Variants in LARP4B observed in about 807,000 individuals in gnomAD.
LARP4B encodes the protein la-related protein 4B.
A neutral mutation model predicts 89.8 loss-of-function variants in LARP4B; 12 were observed. That is an observed-to-expected ratio of 0.13 (90% CI 0.09 to 0.22). The LOEUF (loss-of-function observed/expected upper bound fraction) is 0.22. Ranked by LOEUF, LARP4B falls within the 10% of genes least tolerant of loss-of-function variation. LARP4B has a pLI of 1.00. For missense variants in LARP4B, 757 were observed against 947.7 expected (o/e 0.80, Z 2.64); for synonymous variants, 367 against 363.3 (o/e 1.01, Z -0.12).
chr10:969,243 T>G, the LARP4B span, among the ~76,000 whole-genome samples: 5 of 152,192 alleles, frequency 3.3e-5, no homozygotes, highest in Non-Finnish European at 7.3e-5. Context: ...ACAACCTGTA[T>G]TGTGTCTTCC....
chr10:879,212 T>C (rs1443090247), intron 3 of LARP4B, among the ~76,000 whole-genome samples: 1 of 152,238 alleles, frequency 6.6e-6, no homozygotes, highest in Admixed American at 6.5e-5. Context: ...TACAATACTA[T>C]GTCATCAAAA....
chr10:885,810 A>C, intron 1 of LARP4B, 50 bp from the exon 2 acceptor site: 1 of 873,070 alleles, frequency 1.1e-6, no homozygotes. Flanking sequence ...GCACAGTATG[A>C]TTATTTAAAT....
At chr10:924,594 C>T (rs1307392864) in intron 1 of LARP4B, among the ~76,000 whole-genome samples, 1 of 152,258 alleles carries the variant, frequency 6.6e-6, no homozygotes. Context: ...GCGTTCTCTT[C>T]CTTCAGCCTT....
chr10:833,249 T>TAAA (rs56788542), intron 8 of LARP4B, among the ~76,000 whole-genome samples: 3,522 of 51,766 alleles, frequency 0.068, 262 homozygotes, highest in South Asian at 0.098. Flanking sequence ...TGATGAGCTT[T>TAAA]AAAAAAAAAA....
chr10:817,778 C>T lies in LARP4B; in HGVS notation c.1642G>A (p.Asp548Asn), dbSNP rs774488905. Reference protein sequence around the residue: ...PGAAGNLKTEDLFENRLSSLI... With the variant: ...PGAAGNLKTENLFENRLSSLI... ...CTAGATAGCCTGTTTTCAAACAAGT[C>T]CTCTGTCTTCAAATTGCCGGCAGCT... Residue 548 changes from aspartate to asparagine, a missense_variant, in exon 15 of 18, where the codon GAC (aspartate) becomes AAC (asparagine). Asp to Asn is a conservative substitution (Grantham distance 23). This residue lies in a region of LARP4B where 387 missense variants were observed against 423.6 expected (regional missense o/e 0.91). Transcript: ENST00000316157. The T allele has an allele frequency of 2.1e-5, 34 of 1,614,048 alleles. No individual in the cohort carries two copies. The South Asian group carries it at 3.2e-4, about 15-fold the overall frequency.
At chr10:905,701 G>A (rs112466829) in intron 1 of LARP4B, among the ~76,000 whole-genome samples, 174 of 86,104 alleles carry the variant, frequency 2.0e-3, no homozygotes, top group South Asian at 4.6e-3. Context: ...AGGAGCAAGG[G>A]AGGAGCTGAG....
chr10:865,034 G>T (rs577818393), intron 3 of LARP4B, among the ~76,000 whole-genome samples: 1 of 152,252 alleles, frequency 6.6e-6, no homozygotes, highest in African/African-American at 2.4e-5. Context: ...AAGAATGAAG[G>T]TGTTCTAACA....
chr10:951,097 C>T, the LARP4B span, among the ~76,000 whole-genome samples: 1 of 152,050 alleles, frequency 6.6e-6, no homozygotes, highest in African/African-American at 2.4e-5. Flanking sequence ...GGACTGCTAG[C>T]ACCATGTTGA....
At chr10:929,228 AAC>A (rs1173481492) in intron 1 of LARP4B, among the ~76,000 whole-genome samples, 3 of 151,834 alleles carry the variant, frequency 2.0e-5, no homozygotes, top group African/African-American at 7.3e-5. Context: ...AGCCAAAAAA[AAC>A]AAAACAAAAA....
chr10:968,764 T>G, the LARP4B span, among the ~76,000 whole-genome samples: 1 of 152,246 alleles, frequency 6.6e-6, no homozygotes, highest in Non-Finnish European at 1.5e-5. Context: ...CTTCAGAGTC[T>G]GGTAGCTGTG....
At chr10:885,835 CAA>C (rs1444834083) in intron 1 of LARP4B, 75 bp from the exon 2 acceptor site, 1 of 737,410 alleles carries the variant, frequency 1.4e-6, no homozygotes, top group African/African-American at 1.8e-5. Flanking sequence ...TTAAAATCCT[CAA>C]GTTTTCCAGG....
At chr10:937,103 C>T in the LARP4B span, among the ~76,000 whole-genome samples, 9 of 152,068 alleles carry the variant, frequency 5.9e-5, no homozygotes, top group East Asian at 1.9e-4. Context: ...AGTGCAGTGG[C>T]GCAATCCCAG....
At chr10:889,034 G>A (rs1010899785) in intron 1 of LARP4B, among the ~76,000 whole-genome samples, 3 of 152,090 alleles carry the variant, frequency 2.0e-5, no homozygotes, top group East Asian at 1.9e-4. Context: ...TCAGTAAGCC[G>A]AGATCGCACC....
intron 1 of LARP4B, among the ~76,000 whole-genome samples, chr10:922,270 T>C (rs1372112281): frequency 6.6e-6 from 1 of 152,194 alleles, no homozygotes; most frequent in Admixed American, 6.6e-5. Context: ...CAGGCAGTAA[T>C]GCTCACTCAC....
Position 825,056 on chromosome 10 carries a change from A to G in LARP4B, c.1484+9T>C. ...TATGATGTTACACAGTAACTGCTCA[A>G]CAACTCACCTTCCCCTCCCTAAACC... is the stretch of plus-strand genomic sequence containing the variant. On this transcript the variant is annotated intron_variant, in intron 13 of 17. Coordinates refer to ENST00000316157, the MANE Select transcript of LARP4B (RefSeq NM_015155.3). 2 of 1,612,098 alleles carry G rather than the reference A, an allele frequency of 1.2e-6. No homozygotes were observed. Among genetic ancestry groups the G allele is most frequent in the Non-Finnish European group, 1.7e-6 (2 of 1,178,436 alleles).
the LARP4B span, among the ~76,000 whole-genome samples, chr10:957,412 C>T: frequency 6.6e-6 from 1 of 152,074 alleles, no homozygotes; most frequent in Non-Finnish European, 1.5e-5. Context: ...GTGATCCACC[C>T]ACCTCGGCCT....
chr10:982,669 C>T, the LARP4B span, among the ~76,000 whole-genome samples: 5 of 152,226 alleles, frequency 3.3e-5, no homozygotes, highest in African/African-American at 9.6e-5. Flanking sequence ...ACATGGCCTT[C>T]CTAGTACTTT....
At chr10:892,362 A>C (rs975589828) in intron 1 of LARP4B, among the ~76,000 whole-genome samples, 1 of 152,184 alleles carries the variant, frequency 6.6e-6, no homozygotes, top group Non-Finnish European at 1.5e-5. Context: ...GGAGACCATA[A>C]CTCTCTTAAA....
chr10:853,048 C>T (rs1834133330), intron 5 of LARP4B, among the ~76,000 whole-genome samples: 2 of 152,204 alleles, frequency 1.3e-5, no homozygotes, highest in South Asian at 2.1e-4. Context: ...TTCAGTGAAC[C>T]CCCCAACAAA....
Sources: allele counts gnomAD v4.1 joint callset (sites outside exome capture counted in the v4.1 genomes callset), GRCh38; gene constraint gnomAD v4.1.1; regional missense constraint gnomAD v4.1.1; transcripts MANE v1.5; gene names NCBI Gene and HGNC (gene_info 2026-07-23, HGNC 2026-07-21).